Variants in ESRRB observed in about 807,000 individuals in gnomAD.
The protein encoded by ESRRB is steroid hormone receptor ERR2.
A neutral mutation model predicts 46.0 loss-of-function variants in ESRRB; 16 were observed. That is an observed-to-expected ratio of 0.35 (90% CI 0.24 to 0.53). The LOEUF is 0.53. Among genes scored for constraint, ESRRB ranks in the 20% least tolerant of loss-of-function variants. The probability of loss-of-function intolerance (pLI) is 0.93; values close to 1 mark genes in which losing one functional copy is unlikely to be tolerated. For missense variants in ESRRB, 488 were observed against 607.4 expected (o/e 0.80, Z 2.07); for synonymous variants, 246 against 259.6 (o/e 0.95, Z 0.50).
In ESRRB at chr14:76,498,978, G is replaced by C. The variant is rs1193643321; in HGVS notation, c.*520G>C. On this transcript the variant is annotated 3_prime_UTR_variant, in exon 7 of 7. Coordinates refer to ENST00000644823, the MANE Select transcript of ESRRB (RefSeq NM_001379180.1). ...CCTGCTCTGAGATCCTCTGGGGCCG[G>C]TCAAGAGGCCCCATACCTTCCACAG... 2.4e-6 allele frequency: 1 copy of C among 410,204 alleles called. No individual in the cohort carries two copies. The highest frequency in any genetic ancestry group is 5.1e-6 in the Non-Finnish European group (1 of 196,622). The allele number at this position is 410,204 out of a possible 1,614,324, so 25.4% of individuals were successfully genotyped here. A position where few individuals can be genotyped will look rare whatever the true frequency, so the allele number is the denominator to read the frequency against.
intron 1 of ESRRB, among the ~76,000 whole-genome samples, chr14:76,337,697 G>A (rs887494256): frequency 2.6e-5 from 4 of 152,206 alleles, no homozygotes; most frequent in Admixed American, 6.5e-5. Context: ...TCCTAGGAAG[G>A]AGGCTTTGGT....
At chr14:76,476,052 C>A (rs1889570304) in intron 3 of ESRRB, among the ~76,000 whole-genome samples, 1 of 151,494 alleles carries the variant, frequency 6.6e-6, no homozygotes, top group South Asian at 2.1e-4. Context: ...TGCAGAAAAT[C>A]TTTAAGAGTG....
upstream of ESRRB, among the ~76,000 whole-genome samples, chr14:76,375,287 A>AT (rs1343852564): frequency 3.9e-5 from 6 of 152,206 alleles, no homozygotes; most frequent in Admixed American, 3.3e-4. Flanking sequence ...GTGGCATCCC[A>AT]TAATATTCGG....
chr14:76,318,618 A>G (rs1041436258), intron 1 of ESRRB, among the ~76,000 whole-genome samples: 5 of 152,180 alleles, frequency 3.3e-5, no homozygotes, highest in African/African-American at 1.2e-4. Flanking sequence ...TCTGTAAAAT[A>G]TGGGTTATAA....
At chr14:76,397,986 A>T (rs1303561545) in intron 1 of ESRRB, among the ~76,000 whole-genome samples, 2 of 152,230 alleles carry the variant, frequency 1.3e-5, no homozygotes, top group African/African-American at 4.8e-5. Context: ...GTTTCATATC[A>T]GTGGGGAACA....
At chr14:76,476,066 T>C (rs1317175218) in intron 3 of ESRRB, among the ~76,000 whole-genome samples, 1 of 148,966 alleles carries the variant, frequency 6.7e-6, no homozygotes, top group Non-Finnish European at 1.5e-5. Flanking sequence ...AAGAGTGAAG[T>C]GGGTTTTTTT....
chr14:76,498,601 T>G lies in ESRRB; in HGVS notation c.*143T>G. 1 of 1,291,506 alleles carries G rather than the reference T, an allele frequency of 7.7e-7. No individual in the cohort carries two copies. Among genetic ancestry groups the G allele is most frequent in the Non-Finnish European group, 1.0e-6 (1 of 998,720 alleles). 80.0% of individuals were successfully genotyped at this position (1,291,506 alleles called of 1,614,324 possible). ...CCAGAGGCGGGGGTTTCTCACCTCC[T>G]GGCTGTGTGCAGACTCCCGGGTGCA... On this transcript the variant is annotated 3_prime_UTR_variant, in exon 7 of 7. Coordinates refer to ENST00000644823, the MANE Select transcript of ESRRB (RefSeq NM_001379180.1).
chr14:76,452,801 C>T (rs559451359), intron 2 of ESRRB, among the ~76,000 whole-genome samples: 1 of 152,272 alleles, frequency 6.6e-6, no homozygotes, highest in African/African-American at 2.4e-5. Context: ...GGAACAATTT[C>T]GTCAGCTGGG....
intron 3 of ESRRB, among the ~76,000 whole-genome samples, chr14:76,473,520 G>A (rs926639328): frequency 1.3e-5 from 2 of 152,238 alleles, no homozygotes; most frequent in Non-Finnish European, 2.9e-5. Context: ...GACAGGCTTA[G>A]GGCCAGGTGC....
At chr14:76,494,836 C>G (rs953981200) in intron 6 of ESRRB, among the ~76,000 whole-genome samples, 5 of 152,132 alleles carry the variant, frequency 3.3e-5, no homozygotes, top group South Asian at 2.1e-4. Context: ...GCTGGCCAGG[C>G]CTTGGAGGTC....
intron 6 of ESRRB, among the ~76,000 whole-genome samples, chr14:76,497,076 G>A (rs1018525162): frequency 2.0e-5 from 3 of 152,158 alleles, no homozygotes; most frequent in Non-Finnish European, 2.9e-5. Flanking sequence ...TGGAGAGGGC[G>A]GGGAGAGGGA....
chr14:76,385,416 T>A (rs895997584), intron 1 of ESRRB, among the ~76,000 whole-genome samples: 3 of 152,170 alleles, frequency 2.0e-5, no homozygotes, highest in African/African-American at 7.2e-5. Flanking sequence ...AAAAAATTAA[T>A]TCATGAATAA....
intron 5 of ESRRB, among the ~76,000 whole-genome samples, chr14:76,491,095 A>T (rs753173972): frequency 6.6e-6 from 1 of 152,194 alleles, no homozygotes; most frequent in African/African-American, 2.4e-5. Context: ...TGGTTCCAGT[A>T]TGTACTCAGT....
intron 1 of ESRRB, among the ~76,000 whole-genome samples, chr14:76,354,878 T>G (rs1884360679): frequency 2.0e-5 from 3 of 151,510 alleles, no homozygotes; most frequent in Admixed American, 2.0e-4. Context: ...CCCGGCTAAT[T>G]TTTTGTATTT....
rs1884135942 is a variant in ESRRB at position 76,337,128 on chromosome 14, G to A, written c.2+26212G>A. On this transcript the variant is annotated intron_variant, in intron 1 of 6. Coordinates refer to the ESRRB transcript ENST00000512784. ...CCAGGCCAGTGGCTGGCGTGGCGTG[G>A]ATGAGGAGAAGCATAGAAGGAGATG... Among the ~76,000 whole-genome samples the A allele has an allele frequency of 2.0e-5, 3 of 152,160 alleles. No individual in the cohort carries two copies. In the South Asian group the frequency reaches 6.2e-4, roughly 32 times the overall value.
chr14:76,325,283 C>T lies in ESRRB; in HGVS notation c.2+14367C>T, dbSNP rs764964573. ...AAGCAACACTTTTTATAAATGTCCA[C>T]GTGCCTGGCTCTGCGTGGGAAAAAT... is the stretch of plus-strand genomic sequence containing the variant. On this transcript the variant is annotated intron_variant, in intron 1 of 6. Coordinates refer to the ESRRB transcript ENST00000512784. Among the ~76,000 whole-genome samples the T allele has an allele frequency of 5.9e-5, 9 of 152,268 alleles. No individual in the cohort carries two copies. In the East Asian group the frequency reaches 7.7e-4, roughly 13 times the overall value.
At chr14:76,389,226 C>T (rs1210024779) in intron 1 of ESRRB, among the ~76,000 whole-genome samples, 6 of 152,166 alleles carry the variant, frequency 3.9e-5, no homozygotes, top group Admixed American at 6.5e-5. Context: ...CTCAGGTATC[C>T]CCCTCTGTGT....
At chr14:76,474,040 G>A (rs181028054) in intron 3 of ESRRB, among the ~76,000 whole-genome samples, 3 of 152,382 alleles carry the variant, frequency 2.0e-5, no homozygotes, top group Admixed American at 2.0e-4. Flanking sequence ...TGGAACCTCT[G>A]TTCTCAAGTT....
intron 1 of ESRRB, among the ~76,000 whole-genome samples, chr14:76,389,040 C>T (rs1434814964): frequency 6.6e-6 from 1 of 152,178 alleles, no homozygotes; most frequent in Non-Finnish European, 1.5e-5. Flanking sequence ...GCACCCCCCA[C>T]CAAGCCAAGA....
Sources: allele counts gnomAD v4.1 joint callset (sites outside exome capture counted in the v4.1 genomes callset), GRCh38; gene constraint gnomAD v4.1.1; transcripts MANE v1.5; gene names NCBI Gene and HGNC (gene_info 2026-07-23, HGNC 2026-07-21).